Variants in EIF2B3 observed in about 807,000 individuals in gnomAD.
EIF2B3 encodes eukaryotic translation initiation factor 2B subunit gamma, also known as translation initiation factor eIF2B subunit gamma.
EIF2B3 carries 20 observed loss-of-function variants against 54.1 expected under a neutral mutation model. That is an observed-to-expected ratio of 0.37 (90% CI 0.26 to 0.54). EIF2B3 has a LOEUF of 0.54. EIF2B3 is among the 20% of genes least tolerant of loss of function. The pLI, the probability that EIF2B3 is intolerant of heterozygous loss-of-function variation, is 0.86. For missense variants in EIF2B3, 448 were observed against 547.8 expected (o/e 0.82, Z 1.82); for synonymous variants, 153 against 188.1 (o/e 0.81, Z 1.52).
intron 5 of EIF2B3, among the ~76,000 whole-genome samples, chr1:44,902,805 G>A (rs555735734): frequency 2.0e-5 from 2 of 99,546 alleles, no homozygotes; most frequent in African/African-American, 7.0e-5. Flanking sequence ...TCCAGCCTGG[G>A]CAACAGAAAA....
intron 7 of EIF2B3, 68 bp from the exon 8 acceptor site, chr1:44,880,076 CAA>C: frequency 6.4e-7 from 1 of 1,558,132 alleles, no homozygotes; most frequent in Non-Finnish European, 8.8e-7. Context: ...CAGACTCAGT[CAA>C]GTTGTTTTTT....
chr1:44,877,550 A>T (rs1286829318), intron 8 of EIF2B3, among the ~76,000 whole-genome samples: 4 of 152,214 alleles, frequency 2.6e-5, no homozygotes, highest in Non-Finnish European at 4.4e-5. Context: ...CTCCTGGACC[A>T]CTGTGACCAC....
rs558358727 is a variant in EIF2B3 at position 44,887,903 on chromosome 1, A to C, written c.657-6164T>G. Among the ~76,000 whole-genome samples the C allele has an allele frequency of 7.1e-3, 1,068 of 151,286 alleles. 13 individuals carry two copies. The highest frequency in any genetic ancestry group is 0.023 in the African/African-American group (957 of 41,308). On this transcript the variant is annotated intron_variant, in intron 6 of 11. Coordinates refer to ENST00000360403, the MANE Select transcript of EIF2B3 (RefSeq NM_020365.5). ...ACAGAGCCAGACTCTGTCTCCCCCC[A>C]AAAAAAAAGACTTTATGAAAGGCAC... is the stretch of plus-strand genomic sequence containing the variant.
chr1:44,910,748 T>C (rs1643498440), intron 5 of EIF2B3, among the ~76,000 whole-genome samples: 1 of 150,804 alleles, frequency 6.6e-6, no homozygotes, highest in Non-Finnish European at 1.5e-5. Context: ...CCTAAAGTGC[T>C]GGGATTACAG....
At chr1:44,937,752 C>T (rs1369493006) in intron 4 of EIF2B3, among the ~76,000 whole-genome samples, 1 of 151,852 alleles carries the variant, frequency 6.6e-6, no homozygotes, top group African/African-American at 2.4e-5. Context: ...GGCGTGGTGG[C>T]GGGCGCCTGT....
intron 10 of EIF2B3, among the ~76,000 whole-genome samples, chr1:44,858,075 T>TTC (rs1654493914): frequency 6.8e-6 from 1 of 146,854 alleles, no homozygotes; most frequent in Admixed American, 6.7e-5. Flanking sequence ...AGTTCCTTTT[T>TTC]TTTTTTTTTT....
chr1:44,875,317 T>C (rs901438122), intron 9 of EIF2B3, among the ~76,000 whole-genome samples: 4 of 151,538 alleles, frequency 2.6e-5, no homozygotes, highest in Non-Finnish European at 5.9e-5. Context: ...TCCAAGGGAG[T>C]CCCAAGCCAG....
rs1421276993 is a variant in EIF2B3, at chr1:44,875,610, G to T, written c.1053+8C>A. ...TCTCATGCCCGTCCTGGCCACACTA[G>T]CACTTACCAGGTGTTTGCTGACAAT... On this transcript the variant is annotated splice_region_variant and intron_variant, in intron 9 of 11. Coordinates refer to ENST00000360403, the MANE Select transcript of EIF2B3 (RefSeq NM_020365.5). The T allele has an allele frequency of 1.9e-6, 3 of 1,613,626 alleles. No individual in the cohort carries two copies. Among genetic ancestry groups the T allele is most frequent in the Non-Finnish European group, 2.5e-6 (3 of 1,179,652 alleles).
chr1:44,944,355 C>A (rs1342160240), intron 3 of EIF2B3, among the ~76,000 whole-genome samples: 3 of 152,128 alleles, frequency 2.0e-5, no homozygotes, highest in African/African-American at 4.8e-5. Context: ...CTAGGCTGGG[C>A]AGAGTGGCTC....
intron 5 of EIF2B3, among the ~76,000 whole-genome samples, chr1:44,924,502 C>T (rs1379298147): frequency 1.3e-5 from 2 of 152,156 alleles, no homozygotes; most frequent in Non-Finnish European, 2.9e-5. Context: ...ATTCTCCTGC[C>T]TCAGCCTCCC....
intron 5 of EIF2B3, among the ~76,000 whole-genome samples, chr1:44,901,070 A>AGGC (rs1643284490): frequency 6.6e-6 from 1 of 152,096 alleles, no homozygotes; most frequent in Non-Finnish European, 1.5e-5. Flanking sequence ...TCAGTTTCCC[A>AGGC]AAGAGGTGGG....
intron 5 of EIF2B3, among the ~76,000 whole-genome samples, chr1:44,917,457 T>A (rs910537038): frequency 1.4e-5 from 2 of 146,810 alleles, no homozygotes; most frequent in African/African-American, 2.5e-5. Context: ...CACGCCATTA[T>A]ACTCAAGCCT....
At chr1:44,911,858 TC>T in intron 5 of EIF2B3, among the ~76,000 whole-genome samples, 1 of 88,400 alleles carries the variant, frequency 1.1e-5, no homozygotes. Context: ...CCCTCCCCCC[TC>T]CCCCAACCCA....
intron 6 of EIF2B3, among the ~76,000 whole-genome samples, chr1:44,884,905 G>T (rs1259081776): frequency 6.6e-6 from 1 of 152,202 alleles, no homozygotes; most frequent in Admixed American, 6.5e-5. Context: ...AGCCCTGCCA[G>T]GTCCCACCCA....
intron 3 of EIF2B3, among the ~76,000 whole-genome samples, chr1:44,952,864 A>G (rs1038293578): frequency 3.3e-5 from 5 of 152,048 alleles, no homozygotes; most frequent in African/African-American, 1.2e-4. Context: ...CCTTTCTCCA[A>G]TTTAAGGGAA....
At chr1:44,940,320 C>T (rs531351270) in intron 4 of EIF2B3, among the ~76,000 whole-genome samples, 12 of 152,050 alleles carry the variant, frequency 7.9e-5, no homozygotes, top group African/African-American at 2.9e-4. Flanking sequence ...CTAAAGAATA[C>T]ATCATTCCAG....
intron 4 of EIF2B3, among the ~76,000 whole-genome samples, chr1:44,930,654 T>C (rs1643888880): frequency 6.6e-6 from 1 of 152,204 alleles, no homozygotes; most frequent in Admixed American, 6.5e-5. Context: ...TTTTTCTTTT[T>C]TTTGGAGGTG....
At chr1:44,893,506 G>A (rs1655868134) in intron 6 of EIF2B3, among the ~76,000 whole-genome samples, 1 of 152,206 alleles carries the variant, frequency 6.6e-6, no homozygotes, top group African/African-American at 2.4e-5. Context: ...TTGAGGCTGT[G>A]GCTGCATGAT....
intron 2 of EIF2B3, among the ~76,000 whole-genome samples, chr1:44,978,972 C>T (rs545191760): frequency 6.6e-6 from 1 of 151,918 alleles, no homozygotes; most frequent in Admixed American, 6.6e-5. Flanking sequence ...TCTCATCTTA[C>T]AAATGAGGAA....
Sources: allele counts gnomAD v4.1 joint callset (sites outside exome capture counted in the v4.1 genomes callset), GRCh38; gene constraint gnomAD v4.1.1; transcripts MANE v1.5; gene names NCBI Gene and HGNC (gene_info 2026-07-23, HGNC 2026-07-21).